Variants in KANK1 observed in about 807,000 individuals in gnomAD.
KANK1 encodes the protein KN motif and ankyrin repeat domains 1.
Under a neutral mutation model 106.2 loss-of-function variants are expected in KANK1, and 109 were observed. That is an observed-to-expected ratio of 1.03 (90% confidence interval 0.88 to 1.20). KANK1 has a LOEUF of 1.20. KANK1 is among the 50% of genes most tolerant of loss of function. The probability of loss-of-function intolerance (pLI) is 0.00; values close to 1 mark genes in which losing one functional copy is unlikely to be tolerated. For missense variants in KANK1, 2,399 were observed against 1,710.7 expected, an observed-to-expected ratio of 1.40 and a Z score of -7.10; for synonymous variants, 873 against 652.2, an observed-to-expected ratio of 1.34 and a Z score of -5.16.
intron 3 of KANK1, among the ~76,000 whole-genome samples, chr9:494,750 C>A (rs1387764036): frequency 6.6e-6 from 1 of 152,142 alleles, no homozygotes; most frequent in Non-Finnish European, 1.5e-5. Flanking sequence ...GCATCCTGCC[C>A]CGCTACTGTA....
Position 689,646 on chromosome 9 carries a change from C to T in KANK1, c.37+12637C>T, listed in dbSNP as rs1819410519. On this transcript the variant is annotated intron_variant, in intron 2 of 11. Coordinates refer to ENST00000382297, the MANE Select transcript of KANK1 (RefSeq NM_015158.5). ...ATGAAAGAGATGGGTGGAGAAGAGC[C>T]TTGGTGCTGTGGAAAGGGCCATACC... Among the ~76,000 whole-genome samples, 2 of 152,164 alleles carry T rather than the reference C, an allele frequency of 1.3e-5. 1 individual carries two copies. The highest frequency in any genetic ancestry group is 4.1e-4 in the South Asian group (2 of 4,826).
In KANK1 at chr9:711,606, G is replaced by A. The variant is rs1271370033; in HGVS notation, c.840G>A (p.Gln280=). 4 of 1,614,166 alleles carry A rather than the reference G, an allele frequency of 2.5e-6. No homozygotes were observed. Among genetic ancestry groups the A allele is most frequent in the Non-Finnish European group, 2.5e-6 (3 of 1,180,048 alleles). The part of the protein sequence containing the change: ...ALKRLKELEE[Q]VRTIPVLQVK... ...AACGCCTGAAGGAGCTGGAGGAGCA[G>A]GTGCGAACCATCCCTGTGCTCCAGG... is the stretch of plus-strand genomic sequence containing the variant. The change falls in exon 3 of 12, where the codon CAG becomes CAA. Residue 280 remains glutamine (Q), a synonymous_variant. Coordinates refer to ENST00000382297, the MANE Select transcript of KANK1 (RefSeq NM_015158.5).
intron 7 of KANK1, among the ~76,000 whole-genome samples, chr9:736,204 C>T (rs1589302917): frequency 1.3e-5 from 2 of 152,184 alleles, no homozygotes; most frequent in Non-Finnish European, 2.9e-5. Context: ...GTGGTCCGCC[C>T]ATCTTGGCCT....
intron 2 of KANK1, among the ~76,000 whole-genome samples, chr9:700,637 T>G (rs1167813676): frequency 6.6e-6 from 1 of 152,182 alleles, no homozygotes; most frequent in Admixed American, 6.5e-5. Flanking sequence ...CTGTGATAAT[T>G]ATGTACTTCT....
rs1340915135 is a variant in KANK1, at chr9:713,337, A to G, written c.2571A>G (p.Ser857=). ...ELAEAFGEPH[S]QMGSLNSQLI... ...CAGAAGCTTTCGGGGAACCTCACTCACAGATGGGCTCCCTCAACTCTCAGC... is the reference window on the plus strand; with the variant it reads ...CAGAAGCTTTCGGGGAACCTCACTCGCAGATGGGCTCCCTCAACTCTCAGC... Residue 857 remains serine (S), a synonymous_variant, in exon 3 of 12, where the codon TCA becomes TCG. Transcript: ENST00000382297. The G allele has an allele frequency of 1.2e-6, 2 of 1,614,158 alleles. No individual in the cohort carries two copies. Among genetic ancestry groups the G allele is most frequent in the Non-Finnish European group, 1.7e-6 (2 of 1,180,018 alleles).
chr9:653,330 C>T (rs1303765231), intron 1 of KANK1, among the ~76,000 whole-genome samples: 3 of 152,102 alleles, frequency 2.0e-5, no homozygotes, highest in Non-Finnish European at 4.4e-5. Context: ...TACTACTTTG[C>T]TTGTCTCCAA....
chr9:712,333 A>G lies in KANK1; in HGVS notation c.1567A>G (p.Arg523Gly). The G allele has an allele frequency of 6.2e-7, 1 of 1,614,224 alleles. No homozygotes were observed. The highest frequency in any genetic ancestry group is 1.1e-5 in the South Asian group (1 of 91,082). Residue 523 changes from arginine (R) to glycine (G), a missense_variant, in exon 3 of 12, where the codon AGA (arginine) becomes GGA (glycine). Arg to Gly is a moderately radical substitution (Grantham distance 125). Coordinates refer to ENST00000382297, the MANE Select transcript of KANK1 (RefSeq NM_015158.5). ...GGTGGTGGAGGCAGTGGTGCAGACC[A>G]GAGACCAAATGGTCGGCAGTCACAT... Reference protein sequence around the residue: ...SKVVEAVVQTRDQMVGSHMDL... With the variant: ...SKVVEAVVQTGDQMVGSHMDL...
intron 1 of KANK1, chr9:660,099 G>A: frequency 2.3e-6 from 1 of 436,882 alleles, no homozygotes; most frequent in Non-Finnish European, 4.5e-6. Context: ...ATCCAACAGA[G>A]AAATGGCAGG....
At chr9:738,123 A>G (rs1012321838) in intron 7 of KANK1, among the ~76,000 whole-genome samples, 162 bp from the exon 8 acceptor site, 7 of 152,160 alleles carry the variant, frequency 4.6e-5, no homozygotes, top group Non-Finnish European at 1.0e-4. Flanking sequence ...GAAATGTCCC[A>G]GTTTGGTGTT....
chr9:625,073 C>T (rs577361419), intron 1 of KANK1, among the ~76,000 whole-genome samples: 2 of 152,220 alleles, frequency 1.3e-5, no homozygotes, highest in South Asian at 4.2e-4. Context: ...GAAAGGTGCT[C>T]CTAAGGGTGT....
chr9:508,732 G>T lies in KANK1; in HGVS notation c.-84+3978G>T, dbSNP rs891116736. ...TGTTGTTGCTTGTGGCTGTAGTTCA[G>T]TTATTTTCACTGCTGTGTAATATTC... On this transcript the variant is annotated intron_variant, in intron 1 of 11. Transcript: ENST00000382297. Among the ~76,000 whole-genome samples, 7 of 147,030 alleles carry T rather than the reference G, an allele frequency of 4.8e-5. 1 individual carries two copies. The South Asian group carries it at 1.0e-3, about 22-fold the overall frequency.
chr9:658,105 A>T (rs762194512), intron 1 of KANK1, among the ~76,000 whole-genome samples: 16 of 152,112 alleles, frequency 1.1e-4, no homozygotes, highest in Non-Finnish European at 2.4e-4. Context: ...TTATATCTTC[A>T]ATGTGAAATC....
intron 2 of KANK1, among the ~76,000 whole-genome samples, chr9:696,970 A>C (rs1415763528): frequency 6.6e-6 from 1 of 152,118 alleles, no homozygotes; most frequent in Non-Finnish European, 1.5e-5. Context: ...GACAGAAATA[A>C]AATTTATTTT....
chr9:523,869 A>G (rs1365625852), intron 1 of KANK1, among the ~76,000 whole-genome samples: 3 of 150,264 alleles, frequency 2.0e-5, no homozygotes, highest in Non-Finnish European at 4.4e-5. Flanking sequence ...GAATTTACCT[A>G]TTATATTTAT....
At chr9:628,368 T>A (rs1362648531) in intron 1 of KANK1, among the ~76,000 whole-genome samples, 1 of 152,134 alleles carries the variant, frequency 6.6e-6, no homozygotes, top group African/African-American at 2.4e-5. Context: ...GTATTCTTAG[T>A]TCCAAATCCT....
chr9:648,152 C>T (rs762168817), intron 1 of KANK1, among the ~76,000 whole-genome samples: 1 of 148,702 alleles, frequency 6.7e-6, no homozygotes, highest in Non-Finnish European at 1.5e-5. Context: ...CACAGGCACA[C>T]ACCACCACGC....
chr9:727,324 T>A (rs1299627638), intron 3 of KANK1, among the ~76,000 whole-genome samples: 1 of 114,564 alleles, frequency 8.7e-6, no homozygotes, highest in Non-Finnish European at 2.2e-5. Flanking sequence ...CCAAGGAAAT[T>A]TTTTTTTTTT....
chr9:513,500 AATCCCTTTTT>A (rs2059124103), intron 1 of KANK1, among the ~76,000 whole-genome samples: 2 of 152,338 alleles, frequency 1.3e-5, no homozygotes, highest in Non-Finnish European at 2.9e-5. Context: ...ACACATAACT[AATCCCTTTTT>A]ATAATTATCA....
At chr9:506,528 G>C (rs564352358) in intron 1 of KANK1, among the ~76,000 whole-genome samples, 1 of 91,712 alleles carries the variant, frequency 1.1e-5, no homozygotes, top group East Asian at 2.0e-4. Context: ...TGAGTTCTGG[G>C]TGTGTGTGTG....
Sources: gnomAD v4.1 joint callset for allele counts (sites outside exome capture counted in the v4.1 genomes callset) on GRCh38, gnomAD v4.1.1 for gene constraint, MANE v1.5 for transcripts, NCBI Gene and HGNC (gene_info 2026-07-23, HGNC 2026-07-21) for gene names.